KALRN: variants seen among roughly 807,000 people sequenced by gnomAD.
KALRN encodes kalirin RhoGEF kinase.
A neutral mutation model predicts 353.7 loss-of-function variants in KALRN; 70 were observed. The observed-to-expected ratio is 0.20, with a 90% CI of 0.16 to 0.24. The LOEUF (loss-of-function observed/expected upper bound fraction) is 0.24, where lower values mean the gene tolerates loss of function less well. Ranked by LOEUF, KALRN falls within the 10% of genes least tolerant of loss-of-function variation. The probability of loss-of-function intolerance (pLI) is 1.00; values close to 1 mark genes in which losing one functional copy is unlikely to be tolerated. For missense variants in KALRN, 2,791 were observed against 3,756.7 expected (o/e 0.74, Z 6.72); for synonymous variants, 1,391 against 1,434.8 (o/e 0.97, Z 0.69).
rs191432456 is a variant in KALRN at position 124,152,447 on chromosome 3, C to T, written c.74-75543C>T. ...AATGCCAATTTGGGTTCTGCAGGTA[C>T]ATAGAAGTTGCCAGCTTTTCTTGCC... On this transcript the variant is annotated intron_variant, in intron 1 of 59. Coordinates refer to ENST00000682506, the MANE Select transcript of KALRN (RefSeq NM_001388419.1). The T allele has an allele frequency of 9.7e-4, 1,285 of 1,318,708 alleles. 14 individuals are homozygous for T. In the African/African-American group the frequency reaches 0.017, roughly 17 times the overall value. 81.7% of individuals were successfully genotyped at this position (1,318,708 alleles called of 1,614,324 possible). A position where few individuals can be genotyped will look rare whatever the true frequency, so the allele number is the denominator to read the frequency against.
chr3:124,690,208 A>T (rs2061744457), intron 51 of KALRN, among the ~76,000 whole-genome samples: 1 of 152,218 alleles, frequency 6.6e-6, no homozygotes, highest in African/African-American at 2.4e-5. Context: ...AAATTTAAGA[A>T]TATAAATAAA....
At chr3:124,092,207 G>C (rs2061158955) in intron 1 of KALRN, among the ~76,000 whole-genome samples, 1 of 152,180 alleles carries the variant, frequency 6.6e-6, no homozygotes, top group Non-Finnish European at 1.5e-5. Context: ...TTTTGCCCTT[G>C]ATTACTGGAG....
chr3:124,229,606 A>G (rs1408756841), intron 2 of KALRN, among the ~76,000 whole-genome samples: 2 of 152,194 alleles, frequency 1.3e-5, no homozygotes, highest in Non-Finnish European at 2.9e-5. Context: ...GCCAAAATAG[A>G]GAGAAGAGGA....
intron 8 of KALRN, among the ~76,000 whole-genome samples, 197 bp downstream of exon 8, chr3:124,330,189 G>T (rs1008111697): frequency 3.3e-5 from 5 of 151,404 alleles, no homozygotes; most frequent in African/African-American, 1.2e-4. Context: ...AGAAAAAATT[G>T]GGGCCATTAT....
intron 59 of KALRN, among the ~76,000 whole-genome samples, chr3:124,718,004 G>T (rs2063232571): frequency 1.3e-5 from 2 of 151,484 alleles, no homozygotes; most frequent in South Asian, 4.2e-4. Context: ...TAGAGACAGG[G>T]TTTCATCATG....
In KALRN at chr3:124,711,440, A is replaced by T. The variant is rs192013891; in HGVS notation, c.8076-1495A>T. 7.2e-5 allele frequency among the ~76,000 whole-genome samples: 11 copies of T among 152,308 alleles called. No homozygotes were observed. The East Asian group carries it at 9.6e-4, about 13-fold the overall frequency. ...TTAGATCATCTTCATGGTGGCCATGACACACCCATTTCTGTTGGAGGAATG... is the reference window on the plus strand; with the variant it reads ...TTAGATCATCTTCATGGTGGCCATGTCACACCCATTTCTGTTGGAGGAATG... On this transcript the variant is annotated intron_variant, in intron 57 of 59. Coordinates refer to ENST00000682506, the MANE Select transcript of KALRN (RefSeq NM_001388419.1).
At chr3:124,112,226 C>A (rs1315071828) in intron 1 of KALRN, among the ~76,000 whole-genome samples, 3 of 151,226 alleles carry the variant, frequency 2.0e-5, no homozygotes, top group South Asian at 4.2e-4. Flanking sequence ...TCGCTTGAAC[C>A]CGGGAGGCAG....
chr3:124,581,107 T>C (rs772774329), intron 34 of KALRN, among the ~76,000 whole-genome samples: 5 of 152,166 alleles, frequency 3.3e-5, no homozygotes, highest in Non-Finnish European at 5.9e-5. Context: ...TGGCCAAAAA[T>C]GTGTTGACCT....
intron 1 of KALRN, among the ~76,000 whole-genome samples, chr3:124,091,005 G>T (rs1276228984): frequency 6.6e-6 from 1 of 152,196 alleles, no homozygotes; most frequent in Non-Finnish European, 1.5e-5. Context: ...CCGTTCACCT[G>T]GGGACACTAA....
intron 1 of KALRN, among the ~76,000 whole-genome samples, chr3:124,138,428 T>G (rs2066206141): frequency 6.6e-6 from 1 of 152,232 alleles, no homozygotes; most frequent in Non-Finnish European, 1.5e-5. Context: ...GACAACTTTC[T>G]TGCATGGGTT....
chr3:124,216,439 T>G (rs2077340998), intron 1 of KALRN, among the ~76,000 whole-genome samples: 1 of 152,232 alleles, frequency 6.6e-6, no homozygotes, highest in African/African-American at 2.4e-5. Context: ...ACAACTGGAC[T>G]TAAAGATTGT....
At chr3:124,074,282 T>C (rs961206442) in intron 1 of KALRN, among the ~76,000 whole-genome samples, 6 of 152,202 alleles carry the variant, frequency 3.9e-5, no homozygotes, top group Non-Finnish European at 2.9e-5. Flanking sequence ...GAATGACTTT[T>C]CTATGAATGT....
chr3:124,455,630 T>C (rs544175537), intron 22 of KALRN, among the ~76,000 whole-genome samples: 1 of 152,346 alleles, frequency 6.6e-6, no homozygotes, highest in African/African-American at 2.4e-5. Flanking sequence ...AGAGTTTTTC[T>C]CTGTATAGAG....
At chr3:124,279,335 A>G (rs2149024556) in intron 5 of KALRN, among the ~76,000 whole-genome samples, 1 of 152,348 alleles carries the variant, frequency 6.6e-6, no homozygotes, top group South Asian at 2.1e-4. Flanking sequence ...ACATAAATCT[A>G]CCAGTATGGC....
intron 17 of KALRN, among the ~76,000 whole-genome samples, chr3:124,437,738 T>C (rs1281925739): frequency 1.3e-5 from 2 of 148,854 alleles, no homozygotes; most frequent in Non-Finnish European, 3.0e-5. Flanking sequence ...CAAAAGACTT[T>C]CTCAGAGAAG....
chr3:124,642,806 G>GTTTTTTTTTTGGTGTTGTTTT (rs1553707031), intron 37 of KALRN, among the ~76,000 whole-genome samples: 1 of 96,840 alleles, frequency 1.0e-5, no homozygotes, highest in African/African-American at 4.5e-5. Flanking sequence ...CCCAAGCCTC[G>GTTTTTTTTTTGGTGTTGTTTT]TTTTTTTTTT....
chr3:124,486,321 T>C (rs147782911), intron 28 of KALRN, among the ~76,000 whole-genome samples: 1 of 152,326 alleles, frequency 6.6e-6, no homozygotes, highest in East Asian at 1.9e-4. Context: ...TTCTCTTATG[T>C]TTTGCCTCAG....
intron 10 of KALRN, among the ~76,000 whole-genome samples, chr3:124,369,036 C>T (rs561172629): frequency 1.3e-5 from 2 of 150,606 alleles, no homozygotes; most frequent in Admixed American, 6.6e-5. Flanking sequence ...AGAGGGAGAC[C>T]GTGGAAAGAG....
chr3:124,159,948 A>G (rs1301628910), intron 1 of KALRN, among the ~76,000 whole-genome samples: 1 of 151,928 alleles, frequency 6.6e-6, no homozygotes, highest in Non-Finnish European at 1.5e-5. Flanking sequence ...ATTGAGATGG[A>G]GCAGGTGCTA....
Sources: gnomAD v4.1 joint callset for allele counts (sites outside exome capture counted in the v4.1 genomes callset) on GRCh38, gnomAD v4.1.1 for gene constraint, MANE v1.5 for transcripts, NCBI Gene and HGNC (gene_info 2026-07-23, HGNC 2026-07-21) for gene names.